IMPA2: variants seen among roughly 807,000 people sequenced by gnomAD.
The protein encoded by IMPA2 is IMP 2.
In IMPA2, 32 loss-of-function variants were observed where a neutral mutation model predicts 35.1. The observed-to-expected ratio is 0.91, with a 90% CI of 0.69 to 1.23. The LOEUF (loss-of-function observed/expected upper bound fraction) is 1.23. IMPA2 is among the 50% of genes most tolerant of loss of function. The pLI, the probability that IMPA2 is intolerant of heterozygous loss-of-function variation, is 0.00. For synonymous variants in IMPA2, 135 were observed against 160.6 expected, an observed-to-expected ratio of 0.84 and a Z score of 1.20; for missense variants, 334 against 387.6, an observed-to-expected ratio of 0.86 and a Z score of 1.16.
At chr18:11,984,326 G>A (rs556847367) in intron 1 of IMPA2, among the ~76,000 whole-genome samples, 4 of 152,300 alleles carry the variant, frequency 2.6e-5, no homozygotes, top group East Asian at 3.9e-4. Context: ...ACACTGTGAC[G>A]GGAGCCTCCT....
At chr18:12,019,414 C>T (rs901317555) in intron 5 of IMPA2, among the ~76,000 whole-genome samples, 4 of 150,848 alleles carry the variant, frequency 2.7e-5, no homozygotes, top group Admixed American at 6.6e-5. Flanking sequence ...ACCCCATGTC[C>T]GGCTAATTTT....
At chr18:12,016,126 A>G (rs1907571399) in intron 5 of IMPA2, among the ~76,000 whole-genome samples, 2 of 152,226 alleles carry the variant, frequency 1.3e-5, no homozygotes, top group African/African-American at 4.8e-5. Flanking sequence ...TAAAATGCAT[A>G]GCAGATAGCT....
chr18:12,022,528 A>AAATATATATATATATATATATATATCTAT (rs68185380), intron 5 of IMPA2, among the ~76,000 whole-genome samples: 1 of 96,822 alleles, frequency 1.0e-5, no homozygotes, highest in African/African-American at 4.3e-5. Context: ...TCTCAAAAAG[A>AAATATATATATATATATATATATATCTAT]ATATATATAT....
At chr18:12,002,690 G>A (rs1249977) in intron 2 of IMPA2, among the ~76,000 whole-genome samples, 1 of 150,424 alleles carries the variant, frequency 6.6e-6, no homozygotes, top group South Asian at 2.1e-4. Flanking sequence ...TGAGAGGCTC[G>A]CTTGAGTCCT....
At chr18:11,982,196 C>T (rs1906522422) in intron 1 of IMPA2, among the ~76,000 whole-genome samples, 1 of 152,150 alleles carries the variant, frequency 6.6e-6, no homozygotes, top group Admixed American at 6.5e-5. Context: ...CATCCTCAAC[C>T]CAAACTTACT....
At chr18:11,983,561 T>C (rs561220595) in intron 1 of IMPA2, among the ~76,000 whole-genome samples, 2 of 152,364 alleles carry the variant, frequency 1.3e-5, no homozygotes, top group East Asian at 3.9e-4. Flanking sequence ...GGAACAGTTC[T>C]AAGGCTCCTA....
In IMPA2 at chr18:11,991,805, C is replaced by T. The variant is rs1461805432; in HGVS notation, c.97-7249C>T. 2.3e-4 allele frequency among the ~76,000 whole-genome samples: 35 copies of T among 152,002 alleles called. No individual in the cohort carries two copies. The highest frequency in any genetic ancestry group is 2.3e-3 in the Admixed American group (35 of 15,272). On this transcript the variant is annotated intron_variant, in intron 1 of 7. Coordinates refer to ENST00000269159, the MANE Select transcript of IMPA2 (RefSeq NM_014214.3). The surrounding 1 kb of genome is among the most constrained non-coding windows in gnomAD (Gnocchi z 4.1). ...ACAGGAAGGAGAGGGATCTACTTTC[C>T]TGATTAAGATGCTGATGCCCTCGCA... is the stretch of plus-strand genomic sequence containing the variant.
chr18:12,029,001 C>G lies in IMPA2; in HGVS notation c.751+8C>G, dbSNP rs780044194. ...TCGTGATAGACACTTCGGGTGAGCT[C>G]TCCTGTCCCTGAAATGCAGCGGCAG... On this transcript the variant is annotated splice_region_variant and intron_variant, in intron 7 of 7. Transcript: ENST00000269159. The G allele has an allele frequency of 6.2e-7, 1 of 1,611,358 alleles. No homozygotes were observed. Among genetic ancestry groups the G allele is most frequent in the Non-Finnish European group, 8.5e-7 (1 of 1,179,468 alleles).
chr18:12,009,353 G>A (rs985826701), intron 2 of IMPA2, among the ~76,000 whole-genome samples: 4 of 151,972 alleles, frequency 2.6e-5, no homozygotes, highest in Admixed American at 2.6e-4. Context: ...AACCAGCTGC[G>A]GGGGGGCTCT....
intron 1 of IMPA2, among the ~76,000 whole-genome samples, chr18:11,985,665 T>G (rs1419535243): frequency 6.6e-6 from 1 of 152,230 alleles, no homozygotes; most frequent in East Asian, 1.9e-4. Context: ...TGCCAGTGTC[T>G]GTGTCCACCT....
chr18:12,008,276 G>A (rs2143801761), intron 2 of IMPA2: 4 of 498,454 alleles, frequency 8.0e-6, no homozygotes, highest in Admixed American at 2.1e-5. Flanking sequence ...GATTACAGGC[G>A]TGAGCCACCG....
At chr18:12,015,230 GC>G (rs532623014) in intron 5 of IMPA2, among the ~76,000 whole-genome samples, 15 of 152,216 alleles carry the variant, frequency 9.9e-5, no homozygotes, top group African/African-American at 3.6e-4. Flanking sequence ...ATCATGCAGG[GC>G]CCCCCATCTC....
intron 1 of IMPA2, among the ~76,000 whole-genome samples, chr18:11,987,767 C>T (rs550478048): frequency 6.6e-6 from 1 of 151,480 alleles, no homozygotes; most frequent in East Asian, 1.9e-4. Context: ...GGAGTAGAAT[C>T]GCTGTGTCAT....
rs1181268154 is a variant in IMPA2 at position 11,991,686 on chromosome 18, TC to T, written c.97-7365del. Among the ~76,000 whole-genome samples, 3 of 151,880 alleles carry T rather than the reference TC, an allele frequency of 2.0e-5. No homozygotes were observed. The highest frequency in any genetic ancestry group is 4.4e-5 in the Non-Finnish European group (3 of 67,972). On this transcript the variant is annotated intron_variant, in intron 1 of 7. Coordinates refer to ENST00000269159, the MANE Select transcript of IMPA2 (RefSeq NM_014214.3). This position sits in a 1 kb window ranked among gnomAD's most constrained non-coding sequence, Gnocchi z 4.1. The stretch of plus-strand genomic sequence containing the variant: ...GGAAGAGTTGTTCATGTGGACAGAG[TC>T]CCAAGGCCATTTGCGGAGAACCCCC...
intron 2 of IMPA2, among the ~76,000 whole-genome samples, chr18:12,004,049 A>C (rs1907188454): frequency 6.6e-6 from 1 of 152,234 alleles, no homozygotes; most frequent in African/African-American, 2.4e-5. Flanking sequence ...AGCACAGAGC[A>C]GTGTCTGTTG....
At chr18:12,004,603 T>A (rs1227042820) in intron 2 of IMPA2, among the ~76,000 whole-genome samples, 1 of 151,736 alleles carries the variant, frequency 6.6e-6, no homozygotes, top group Non-Finnish European at 1.5e-5. Flanking sequence ...CAATCTCTGC[T>A]CACTGCAACC....
intron 1 of IMPA2, among the ~76,000 whole-genome samples, chr18:11,990,719 T>C (rs1046710918): frequency 2.3e-5 from 3 of 132,426 alleles, no homozygotes; most frequent in African/African-American, 3.2e-5. Context: ...TTGAGAGAAA[T>C]GTGAGCTGGA....
intron 2 of IMPA2, chr18:12,008,497 C>G (rs1339294340): frequency 4.3e-6 from 2 of 464,426 alleles, no homozygotes; most frequent in East Asian, 6.6e-5. Flanking sequence ...AAAGCACTGC[C>G]CTGAATGCTT....
chr18:12,014,448 T>G, intron 5 of IMPA2, 75 bp downstream of exon 5: 1 of 874,100 alleles, frequency 1.1e-6, no homozygotes, highest in East Asian at 2.7e-5. Context: ...GCCACCATGA[T>G]GTGGGACGGT....
Sources: allele counts gnomAD v4.1 joint callset (sites outside exome capture counted in the v4.1 genomes callset), GRCh38; gene constraint gnomAD v4.1.1; non-coding constraint Gnocchi (gnomAD v3.1); transcripts MANE v1.5; gene names NCBI Gene and HGNC (gene_info 2026-07-23, HGNC 2026-07-21).